Variants in GUCY2F observed in about 807,000 individuals in gnomAD.
The protein encoded by GUCY2F is guanylate cyclase 2F, retinal.
In GUCY2F, 61 loss-of-function variants were observed where a neutral mutation model predicts 73.1. The ratio of observed to expected loss-of-function variants is 0.83; its 90% confidence interval spans 0.68 to 1.03. The LOEUF is 1.03. Among genes scored for constraint, GUCY2F ranks in the 50% least tolerant of loss-of-function variants. GUCY2F has a pLI of 0.00. For missense variants in GUCY2F, 912 were observed against 854.3 expected (o/e 1.07, Z -0.84); for synonymous variants, 331 against 307.8 (o/e 1.08, Z -0.79).
At chrX:109,466,003 T>A (rs753780983) in intron 2 of GUCY2F, among the ~76,000 whole-genome samples, 2 of 111,424 alleles carry the variant, frequency 1.8e-5, no homozygotes, top group South Asian at 7.6e-4. Context: ...TTATTGTCCA[T>A]CTCCTACAAA....
chrX:109,471,491 A>T (rs1932573471), intron 2 of GUCY2F, among the ~76,000 whole-genome samples: 1 of 112,384 alleles, frequency 8.9e-6, no homozygotes, highest in South Asian at 3.6e-4. Context: ...AAAAACTTCC[A>T]ACAGGGTTCA....
intron 2 of GUCY2F, among the ~76,000 whole-genome samples, chrX:109,471,739 A>G (rs1932579177): frequency 8.9e-6 from 1 of 112,369 alleles, no homozygotes; most frequent in Admixed American, 9.4e-5. Context: ...CTACTCTGAG[A>G]CTTTATTTAT....
intron 2 of GUCY2F, among the ~76,000 whole-genome samples, chrX:109,467,895 T>C (rs1932502494): frequency 8.9e-6 from 1 of 112,239 alleles, no homozygotes; most frequent in South Asian, 3.8e-4. Context: ...AAACAATTAT[T>C]ATTACACACT....
At chrX:109,467,231 A>G (rs1932486026) in intron 2 of GUCY2F, among the ~76,000 whole-genome samples, 2 of 111,851 alleles carry the variant, frequency 1.8e-5, no homozygotes. Context: ...AAGACCTCTC[A>G]CTCTCTACAT....
intron 7 of GUCY2F, among the ~76,000 whole-genome samples, chrX:109,431,757 G>A (rs1162349181): frequency 9.2e-6 from 1 of 109,148 alleles, no homozygotes; most frequent in East Asian, 2.9e-4. Context: ...TCCAGCTATG[G>A]CACTGCATCT....
At chrX:109,453,433 C>A (rs992920819) in intron 4 of GUCY2F, 72 bp downstream of exon 4, 1 of 574,703 alleles carries the variant, frequency 1.7e-6, no homozygotes, top group Non-Finnish European at 2.8e-6. Context: ...TTAAAATGTG[C>A]CTTCTCCTAA....
At position 109,406,126 on chromosome X, in the gene GUCY2F, A is replaced by C. The variant is rs184009699; in HGVS notation, c.1969-1642T>G. 3.6e-5 allele frequency among the ~76,000 whole-genome samples: 4 copies of C among 111,666 alleles called. No homozygotes were observed. In the East Asian group the frequency reaches 1.1e-3, roughly 32 times the overall value. On this transcript the variant is annotated intron_variant, in intron 9 of 19. Coordinates refer to ENST00000218006, the MANE Select transcript of GUCY2F (RefSeq NM_001522.3). ...CCTGTAAAAAATGCACATATACACA[A>C]TTTGCATATCATTCCATGGCGTTCA...
rs1260132009 is a variant in GUCY2F at position 109,462,960 on chromosome X, T to C, written c.1032+2182A>G. ...TTTCAGTTATGTGTGTGTGTGTGCA[T>C]GTGTGTGTCTCCTAAAAGACAGTAA... On this transcript the variant is annotated intron_variant, in intron 3 of 19. Transcript: ENST00000218006. 4.5e-5 allele frequency among the ~76,000 whole-genome samples: 5 copies of C among 111,973 alleles called. No individual in the cohort carries two copies. In the East Asian group the frequency reaches 1.1e-3, roughly 25 times the overall value.
intron 17 of GUCY2F, among the ~76,000 whole-genome samples, chrX:109,380,781 G>A (rs768927114): frequency 1.2e-4 from 13 of 111,838 alleles, no homozygotes; most frequent in Non-Finnish European, 2.1e-4. Flanking sequence ...ATTGGGACAG[G>A]GATGCATTTT....
At chrX:109,466,273 CT>C (rs1439835526) in intron 2 of GUCY2F, among the ~76,000 whole-genome samples, 3 of 111,181 alleles carry the variant, frequency 2.7e-5, no homozygotes, top group Admixed American at 1.9e-4. Flanking sequence ...TGAGTATTTC[CT>C]TTGAGAGTCA....
intron 1 of GUCY2F, among the ~76,000 whole-genome samples, chrX:109,478,723 C>T (rs1569379680): frequency 8.9e-6 from 1 of 112,474 alleles, no homozygotes; most frequent in Non-Finnish European, 1.9e-5. Flanking sequence ...TCATCACAGT[C>T]CTTTGAAGTA....
At chrX:109,397,458 T>A (rs931161394) in intron 11 of GUCY2F, among the ~76,000 whole-genome samples, 2 of 112,110 alleles carry the variant, frequency 1.8e-5, no homozygotes, top group Admixed American at 9.4e-5. Context: ...AGTTTTTATT[T>A]TGAAAAAAAA....
chrX:109,471,520 C>G (rs1932574332), intron 2 of GUCY2F, among the ~76,000 whole-genome samples: 1 of 112,463 alleles, frequency 8.9e-6, no homozygotes, highest in Non-Finnish European at 1.9e-5. Flanking sequence ...GGAGCAGAGA[C>G]TGGACTGGAT....
Position 109,401,097 on chromosome X carries a change from G to T in GUCY2F, c.2126-2399C>A, listed in dbSNP as rs182796456. Among the ~76,000 whole-genome samples, 459 of 111,989 alleles carry T rather than the reference G, an allele frequency of 4.1e-3. 3 individuals are homozygous for T. Among genetic ancestry groups the T allele is most frequent in the African/African-American group, 0.014 (440 of 30,810 alleles). The stretch of plus-strand genomic sequence containing the variant: ...TGTATGTTGTTAATGGCTATAATGA[G>T]GCTTTTCTGCACTATACTTATATAA... On this transcript the variant is annotated intron_variant, in intron 10 of 19. Coordinates refer to ENST00000218006, the MANE Select transcript of GUCY2F (RefSeq NM_001522.3).
At chrX:109,453,470 G>T in intron 4 of GUCY2F, 35 bp downstream of exon 4, 1 of 958,518 alleles carries the variant, frequency 1.0e-6, no homozygotes, top group Non-Finnish European at 1.5e-6. Flanking sequence ...CCCAAGCTGA[G>T]CCAAATTGAC....
chrX:109,416,011 T>C (rs146695623), intron 8 of GUCY2F, among the ~76,000 whole-genome samples: 1,375 of 110,832 alleles, frequency 0.012, 19 homozygotes, highest in East Asian at 0.054. Flanking sequence ...GAAATGGAGG[T>C]AGAACTATAT....
chrX:109,472,531 T>C (rs1031466504), intron 2 of GUCY2F, among the ~76,000 whole-genome samples: 1 of 112,115 alleles, frequency 8.9e-6, no homozygotes. Flanking sequence ...TCCAGATAGA[T>C]AACATCCAGG....
At chrX:109,409,283 G>A in intron 8 of GUCY2F, 115 bp from the exon 9 acceptor site, 1 of 448,132 alleles carries the variant, frequency 2.2e-6, no homozygotes, top group Non-Finnish European at 3.9e-6. Context: ...GTGGTTGACA[G>A]AATTTTGACT....
At chrX:109,426,881 T>C (rs1442875745) in intron 8 of GUCY2F, among the ~76,000 whole-genome samples, 1 of 112,093 alleles carries the variant, frequency 8.9e-6, no homozygotes, top group Non-Finnish European at 1.9e-5. Context: ...CAGCAGGTCT[T>C]GGAGTAGAGA....
Sources: gnomAD v4.1 joint callset for allele counts (sites outside exome capture counted in the v4.1 genomes callset) on GRCh38, gnomAD v4.1.1 for gene constraint, MANE v1.5 for transcripts, NCBI Gene and HGNC (gene_info 2026-07-23, HGNC 2026-07-21) for gene names.